The following SLC67A2 variants were observed in gnomAD, a reference collection of about 807,000 sequenced individuals.
The protein encoded by SLC67A2 is solute carrier family 67 member A2.
At chr2:102,732,935 G>C in the SLC67A2 span, among the ~76,000 whole-genome samples, 1 of 152,208 alleles carries the variant, frequency 6.6e-6, no homozygotes, top group African/African-American at 2.4e-5. Flanking sequence ...CAGGCAGACA[G>C]TTCTCAATTC....
the SLC67A2 span, chr2:102,718,221 C>G: frequency 2.7e-5 from 17 of 620,150 alleles, no homozygotes; most frequent in African/African-American, 2.4e-4. Context: ...TCTTAACCTT[C>G]CCATGAGGTG....
At chr2:102,718,937 T>C in the SLC67A2 span, 4 of 1,614,258 alleles carry the variant, frequency 2.5e-6, no homozygotes, top group Non-Finnish European at 3.4e-6. Context: ...AAAGTTACTG[T>C]AGTACAGCAT....
chr2:102,735,022 C>G, the SLC67A2 span, among the ~76,000 whole-genome samples: 1 of 152,344 alleles, frequency 6.6e-6, no homozygotes, highest in Admixed American at 6.5e-5. Context: ...TGAGACAGGA[C>G]AGCAGTAGCT....
the SLC67A2 span, among the ~76,000 whole-genome samples, chr2:102,730,235 A>G: frequency 6.6e-6 from 1 of 152,176 alleles, no homozygotes; most frequent in East Asian, 1.9e-4. Flanking sequence ...TCTTAGAAAC[A>G]GGGTCTTCCT....
At chr2:102,729,138 T>C in the SLC67A2 span, among the ~76,000 whole-genome samples, 1 of 152,222 alleles carries the variant, frequency 6.6e-6, no homozygotes, top group African/African-American at 2.4e-5. Context: ...AAATTTTAAC[T>C]AGGAATTTCT....
the SLC67A2 span, chr2:102,718,563 GA>G: frequency 6.2e-7 from 1 of 1,613,222 alleles, no homozygotes; most frequent in Non-Finnish European, 8.5e-7. Context: ...CCCGAGAGGA[GA>G]GGGGCGATGA....
At chr2:102,718,281 C>G in the SLC67A2 span, 1 of 997,024 alleles carries the variant, frequency 1.0e-6, no homozygotes, top group Non-Finnish European at 1.5e-6. Context: ...CAAGAGCTGA[C>G]CTGGAAGCCC....
At chr2:102,729,845 A>C in the SLC67A2 span, among the ~76,000 whole-genome samples, 4 of 152,234 alleles carry the variant, frequency 2.6e-5, no homozygotes, top group African/African-American at 9.7e-5. Flanking sequence ...TATATGAAAT[A>C]CTTCAATAAA....
chr2:102,727,787 G>C, the SLC67A2 span, among the ~76,000 whole-genome samples: 1 of 152,266 alleles, frequency 6.6e-6, no homozygotes, highest in African/African-American at 2.4e-5. Context: ...ACTGTAATTA[G>C]AACAGTAACA....
the SLC67A2 span, chr2:102,726,755 G>C: frequency 8.0e-6 from 12 of 1,502,864 alleles, no homozygotes; most frequent in Non-Finnish European, 1.1e-5. Flanking sequence ...CAAGACCACA[G>C]AGGTGGCCCA....
the SLC67A2 span, chr2:102,727,029 A>G: frequency 6.3e-7 from 1 of 1,581,358 alleles, no homozygotes; most frequent in South Asian, 1.2e-5. Context: ...GACTACCACC[A>G]TGCAAATGAC....
chr2:102,718,175 G>A, the SLC67A2 span: 52 of 491,836 alleles, frequency 1.1e-4, no homozygotes, highest in East Asian at 1.5e-4. Context: ...CCAGGTAAAC[G>A]CTGAATATGC....
At chr2:102,718,282 C>G in the SLC67A2 span, 8 of 1,014,462 alleles carry the variant, frequency 7.9e-6, no homozygotes, top group Non-Finnish European at 1.2e-5. Context: ...AAGAGCTGAC[C>G]TGGAAGCCCA....
At chr2:102,733,899 GTAT>G in the SLC67A2 span, among the ~76,000 whole-genome samples, 12 of 152,168 alleles carry the variant, frequency 7.9e-5, no homozygotes, top group Non-Finnish European at 1.6e-4. Context: ...CTGATGATTG[GTAT>G]TACTTTAGCA....
At chr2:102,726,904 T>C in the SLC67A2 span, 766 of 1,608,504 alleles carry the variant, frequency 4.8e-4, 15 homozygotes, top group South Asian at 7.4e-3. Flanking sequence ...GAGAAGGAGA[T>C]AGCCCAGAGC....
chr2:102,727,174 A>ATT, the SLC67A2 span, among the ~76,000 whole-genome samples: 1 of 146,858 alleles, frequency 6.8e-6, no homozygotes, highest in Admixed American at 6.8e-5. Flanking sequence ...AACACAATGT[A>ATT]TTTTTTTTTT....
At chr2:102,732,399 C>T in the SLC67A2 span, 5 of 1,609,608 alleles carry the variant, frequency 3.1e-6, no homozygotes, top group Non-Finnish European at 4.2e-6. Flanking sequence ...CATGCTGACA[C>T]CAAACAAATC....
At chr2:102,716,781 G>C in the SLC67A2 span, 6 of 152,236 alleles carry the variant, frequency 3.9e-5, no homozygotes, top group African/African-American at 1.2e-4. Flanking sequence ...AAAAGTAAAA[G>C]GAATGTGAAC....
At chr2:102,729,999 A>C in the SLC67A2 span, among the ~76,000 whole-genome samples, 3 of 152,180 alleles carry the variant, frequency 2.0e-5, no homozygotes, top group Non-Finnish European at 4.4e-5. Flanking sequence ...CAGGCCAGCT[A>C]TTGAGACCAA....
Sources: gnomAD v4.1 joint callset for allele counts (sites outside exome capture counted in the v4.1 genomes callset) on GRCh38, gnomAD v4.1.1 for gene constraint, MANE v1.5 for transcripts, NCBI Gene and HGNC (gene_info 2026-07-23, HGNC 2026-07-21) for gene names.